The following SLC25A16 variants were observed in gnomAD, a reference collection of about 807,000 sequenced individuals.
SLC25A16 encodes the protein mitochondrial coenzyme A transporter SLC25A16.
SLC25A16 carries 39 observed loss-of-function variants against 41.5 expected under a neutral mutation model. The ratio of observed to expected loss-of-function variants is 0.94; its 90% CI spans 0.73 to 1.23. The LOEUF is 1.23. Ranked by LOEUF, SLC25A16 falls within the 50% of genes most tolerant of loss-of-function variation. SLC25A16 has a pLI of 0.00. For missense variants in SLC25A16, 421 were observed against 426.9 expected (o/e 0.99, Z 0.12); for synonymous variants, 146 against 147.8 (o/e 0.99, Z 0.09).
intron 2 of SLC25A16, among the ~76,000 whole-genome samples, chr10:68,509,447 G>C (rs1290565924): frequency 6.6e-6 from 1 of 152,082 alleles, no homozygotes; most frequent in East Asian, 1.9e-4. Flanking sequence ...AGGCACAGTA[G>C]CTCATGCCAA....
chr10:68,525,998 G>A (rs2053331516), intron 1 of SLC25A16, among the ~76,000 whole-genome samples: 2 of 151,864 alleles, frequency 1.3e-5, no homozygotes. Flanking sequence ...GGAAAGCCAG[G>A]TATTGTCCAA....
In SLC25A16 at chr10:68,527,473, G is replaced by C. The variant is rs2053358545; in HGVS notation, c.-98C>G. 1.6e-6 allele frequency: 2 copies of C among 1,235,020 alleles called. No homozygotes were observed. The highest frequency in any genetic ancestry group is 1.6e-5 in the African/African-American group (1 of 61,994). The allele number at this position is 1,235,020 out of a possible 1,614,324, so 76.5% of individuals were successfully genotyped here. ...GCGGTGACAGGAGGCTGACCGCCCCGCCGGCGGGGCAAAGTAACACCCGGC... is the reference window on the plus strand; with the variant it reads ...GCGGTGACAGGAGGCTGACCGCCCCCCCGGCGGGGCAAAGTAACACCCGGC... On this transcript the variant is annotated 5_prime_UTR_variant, in exon 1 of 9. Transcript: ENST00000609923.
Position 68,527,329 on chromosome 10 carries a change from G to T in SLC25A16, c.47C>A (p.Pro16His), listed in dbSNP as rs2053354224. 6.5e-7 allele frequency: 1 copy of T among 1,538,400 alleles called. No individual in the cohort carries two copies. Among genetic ancestry groups the T allele is most frequent in the South Asian group, 1.2e-5 (1 of 83,396 alleles). Reference protein sequence around the residue: ...AAAALAAADPPPAMPQAAGAG... With the variant: ...AAAALAAADPHPAMPQAAGAG... ...CCCTGCCGCCTGCGGCATTGCGGGA[G>T]GGGGATCGGCCGCCGCCAGGGCTGC... Residue 16 changes from proline (P) to histidine (H), a missense_variant, in exon 1 of 9, where the codon CCT becomes CAT. Coordinates refer to ENST00000609923, the MANE Select transcript of SLC25A16 (RefSeq NM_152707.4).
intron 2 of SLC25A16, among the ~76,000 whole-genome samples, chr10:68,510,250 G>T (rs1314930770): frequency 6.6e-6 from 1 of 151,982 alleles, no homozygotes; most frequent in Non-Finnish European, 1.5e-5. Flanking sequence ...AATTTTTAGG[G>T]GTCGGGCACA....
rs367803454 is a variant in SLC25A16 at position 68,507,495 on chromosome 10, C to T, written c.224-777G>A. ...TAAAACAAGCAAATAAAAAGACTAC[C>T]TATTAATACTCTTTAAGTGTGGGGG... On this transcript the variant is annotated intron_variant, in intron 2 of 8. Transcript: ENST00000609923. Among the ~76,000 whole-genome samples the T allele has an allele frequency of 7.3e-5, 11 of 151,228 alleles. No homozygotes were observed. In the East Asian group the frequency reaches 1.5e-3, roughly 21 times the overall value.
intron 2 of SLC25A16, among the ~76,000 whole-genome samples, chr10:68,509,139 C>A (rs889931256): frequency 1.6e-4 from 25 of 151,980 alleles, no homozygotes; most frequent in African/African-American, 6.0e-4. Flanking sequence ...GAGTTCAAGA[C>A]CAGCCTGACC....
intron 2 of SLC25A16, 82 bp downstream of exon 2, chr10:68,516,669 C>T (rs61856476): frequency 2.2e-6 from 2 of 929,140 alleles, no homozygotes; most frequent in African/African-American, 1.7e-5. Flanking sequence ...TTACTTTTTA[C>T]ACCCCCAAAC....
intron 1 of SLC25A16, among the ~76,000 whole-genome samples, chr10:68,520,916 G>C (rs112446054): frequency 6.6e-6 from 1 of 151,180 alleles, no homozygotes; most frequent in African/African-American, 2.4e-5. Flanking sequence ...CGGGCAGATC[G>C]CAAGGTCAGG....
intron 5 of SLC25A16, 35 bp from the exon 6 acceptor site, chr10:68,493,233 A>C (rs763351625): frequency 1.6e-5 from 22 of 1,396,128 alleles, no homozygotes; most frequent in Non-Finnish European, 2.1e-5. Context: ...GTGAGATTAC[A>C]TTGTGCTCAT....
intron 2 of SLC25A16, among the ~76,000 whole-genome samples, chr10:68,507,817 T>A (rs1428343354): frequency 6.6e-6 from 1 of 152,206 alleles, no homozygotes; most frequent in African/African-American, 2.4e-5. Flanking sequence ...CAGGTTCATT[T>A]CAAATTTTAG....
Position 68,493,469 on chromosome 10 carries a change from A to C in SLC25A16, c.523T>G (p.Phe175Val). The change falls in exon 5 of 9, where the codon TTC (phenylalanine) becomes GTC (valine). Residue 175 changes from phenylalanine (F) to valine (V), a missense_variant. Phe to Val is a conservative substitution (Grantham distance 50). Transcript: ENST00000609923. ...EHSYTGIIHAFKTIYAKEGGF... is the reference protein window; with the variant it reads ...EHSYTGIIHAVKTIYAKEGGF... Reference sequence around the variant, plus strand: ...AATACCTTTGCATAAATTGTTTTGAAAGCATGAATAATTCCTGTATAGCTG... The same window carrying C: ...AATACCTTTGCATAAATTGTTTTGACAGCATGAATAATTCCTGTATAGCTG... The C allele has an allele frequency of 6.2e-7, 1 of 1,613,414 alleles. No individual in the cohort carries two copies. The highest frequency in any genetic ancestry group is 1.1e-5 in the South Asian group (1 of 91,054).
Position 68,480,018 on chromosome 10 carries a change from A to G in SLC25A16, c.*3414T>C, listed in dbSNP as rs2052467848. On this transcript the variant is annotated 3_prime_UTR_variant, in exon 9 of 9. Coordinates refer to ENST00000609923, the MANE Select transcript of SLC25A16 (RefSeq NM_152707.4). ...AGAGTTAAGACTCTCGTTAAAAAAA[A>G]AAAAAAAAGAATGTAATGAGATATT... 1 of 150,302 alleles carries G rather than the reference A, an allele frequency of 6.7e-6. No individual in the cohort carries two copies. The highest frequency in any genetic ancestry group is 1.5e-5 in the Non-Finnish European group (1 of 67,844). 9.3% of individuals were successfully genotyped at this position (150,302 alleles called of 1,614,324 possible). A position where few individuals can be genotyped will look rare whatever the true frequency, so the allele number is the denominator to read the frequency against.
intron 4 of SLC25A16, among the ~76,000 whole-genome samples, chr10:68,494,999 G>C (rs1008776209): frequency 1.3e-5 from 2 of 151,916 alleles, no homozygotes; most frequent in African/African-American, 4.8e-5. Flanking sequence ...TAAAGGAGGT[G>C]TGTGGGTACC....
rs770711216 is a variant in SLC25A16, at chr10:68,488,480, C to T, written c.760G>A (p.Ala254Thr). ...GAAGAAACTTACGATATTGTCTGCG[C>T]TATTGCTCCAGCAACACCACCACAA... ...LLCGGVAGAI[A>T]QTISYPFDVT... The change falls in exon 7 of 9, where the codon GCG becomes ACG. Residue 254 changes from alanine to threonine, a missense_variant. Ala to Thr is a moderately conservative substitution (Grantham distance 58). Coordinates refer to ENST00000609923, the MANE Select transcript of SLC25A16 (RefSeq NM_152707.4). The T allele has an allele frequency of 3.2e-6, 5 of 1,545,820 alleles. No homozygotes were observed. Among genetic ancestry groups the T allele is most frequent in the Non-Finnish European group, 3.5e-6 (4 of 1,154,896 alleles).
chr10:68,512,352 T>TA (rs370797683), intron 2 of SLC25A16, among the ~76,000 whole-genome samples: 20,864 of 148,154 alleles, frequency 0.14, 2,940 homozygotes, highest in African/African-American at 0.23. Flanking sequence ...AGATAAATGA[T>TA]ATTGGCCGGG....
intron 2 of SLC25A16, among the ~76,000 whole-genome samples, chr10:68,508,772 T>C (rs2053004154): frequency 6.6e-6 from 1 of 151,938 alleles, no homozygotes; most frequent in African/African-American, 2.4e-5. Flanking sequence ...GACACAAAGG[T>C]TAAGCCCTGT....
intron 2 of SLC25A16, among the ~76,000 whole-genome samples, chr10:68,511,879 T>C (rs1230341655): frequency 6.6e-6 from 1 of 150,990 alleles, no homozygotes; most frequent in Non-Finnish European, 1.5e-5. Context: ...TTTTTTAAGA[T>C]GGGTTCTCAC....
Position 68,501,569 on chromosome 10 carries a change from G to A in SLC25A16, c.421+2063C>T, listed in dbSNP as rs532078418. On this transcript the variant is annotated intron_variant, in intron 4 of 8. Transcript: ENST00000609923. ...GAGGAGAGAATGAGGGGAGGGGAGA[G>A]GAGGGGAGGGAAGAGGAGGGAAGGG... 6.6e-5 allele frequency among the ~76,000 whole-genome samples: 10 copies of A among 151,330 alleles called. No homozygotes were observed. The South Asian group carries it at 1.9e-3, about 28-fold the overall frequency.
chr10:68,503,786 A>G (rs1356188726), intron 3 of SLC25A16, 91 bp from the exon 4 acceptor site: 3 of 795,730 alleles, frequency 3.8e-6, no homozygotes, highest in South Asian at 3.2e-5. Context: ...CAAGAGTTAC[A>G]GGACTAATAA....
Sources: allele counts gnomAD v4.1 joint callset (sites outside exome capture counted in the v4.1 genomes callset), GRCh38; gene constraint gnomAD v4.1.1; transcripts MANE v1.5; gene names NCBI Gene and HGNC (gene_info 2026-07-23, HGNC 2026-07-21).